DLEU7: variants seen among roughly 807,000 people sequenced by gnomAD.
The protein encoded by DLEU7 is leukemia-associated protein 7.
A neutral mutation model predicts 16.0 loss-of-function variants in DLEU7; 17 were observed. The observed-to-expected ratio is 1.06, with a 90% CI of 0.73 to 1.59. The LOEUF (loss-of-function observed/expected upper bound fraction) is 1.59, where lower values mean the gene tolerates loss of function less well. Ranked by LOEUF, DLEU7 falls within the 40% of genes most tolerant of loss-of-function variation. The pLI is 0.00. For missense variants in DLEU7, 308 were observed against 314.9 expected (o/e 0.98, Z 0.17); for synonymous variants, 113 against 139.8 (o/e 0.81, Z 1.35).
rs148310748 is a variant in DLEU7 at position 50,832,224 on chromosome 13, T to C, written c.460-8704A>G. Among the ~76,000 whole-genome samples the C allele has an allele frequency of 7.9e-3, 1,199 of 152,316 alleles. 13 individuals carry two copies. The highest frequency in any genetic ancestry group is 0.027 in the African/African-American group (1,139 of 41,560). ...TGGTTTGGTCTTGGGAGGGTATATG[T>C]GTCTAGGAATTTATCAATTTTCTTC... On this transcript the variant is annotated intron_variant, in intron 1 of 1. Coordinates refer to ENST00000504404, the MANE Select transcript of DLEU7 (RefSeq NM_001306135.2).
chr13:50,742,269 G>A (rs1225065789), intron 1 of DLEU7, among the ~76,000 whole-genome samples: 1 of 152,146 alleles, frequency 6.6e-6, no homozygotes, highest in African/African-American at 2.4e-5. Flanking sequence ...CAATAAAAGA[G>A]CAAAATTAAA....
chr13:50,837,369 C>T (rs1877505651), intron 1 of DLEU7, among the ~76,000 whole-genome samples: 1 of 152,154 alleles, frequency 6.6e-6, no homozygotes, highest in South Asian at 2.1e-4. Flanking sequence ...TGTTTTAGGC[C>T]TTTCCTGAAG....
At chr13:50,776,025 T>G (rs896732117) in intron 1 of DLEU7, among the ~76,000 whole-genome samples, 3 of 152,232 alleles carry the variant, frequency 2.0e-5, no homozygotes, top group African/African-American at 7.2e-5. Flanking sequence ...CAAATCAGCC[T>G]TTTATTCCCA....
At chr13:50,731,226 A>G (rs1294948218) in intron 1 of DLEU7, among the ~76,000 whole-genome samples, 1 of 152,174 alleles carries the variant, frequency 6.6e-6, no homozygotes, top group Non-Finnish European at 1.5e-5. Context: ...AGTGCTCTTG[A>G]GTGGAGTGTA....
At chr13:50,814,461 AAC>A (rs1188189347) in intron 1 of DLEU7, among the ~76,000 whole-genome samples, 2 of 152,016 alleles carry the variant, frequency 1.3e-5, no homozygotes, top group African/African-American at 4.8e-5. Context: ...ATGTTGTTTC[AAC>A]AACAAACTAA....
At chr13:50,730,240 CTT>C (rs1873880057) in intron 1 of DLEU7, among the ~76,000 whole-genome samples, 1 of 151,450 alleles carries the variant, frequency 6.6e-6, no homozygotes, top group Non-Finnish European at 1.5e-5. Flanking sequence ...CTCAGTGTAA[CTT>C]TTACTGAAAA....
chr13:50,823,617 T>C (rs1566264320), intron 1 of DLEU7, 97 bp from the exon 2 acceptor site: 1 of 1,391,476 alleles, frequency 7.2e-7, no homozygotes, highest in Non-Finnish European at 9.6e-7. Flanking sequence ...TCTCTTCTGG[T>C]GACAGCACTC....
At chr13:50,772,595 C>A (rs1875352755) in intron 1 of DLEU7, among the ~76,000 whole-genome samples, 1 of 152,176 alleles carries the variant, frequency 6.6e-6, no homozygotes, top group Non-Finnish European at 1.5e-5. Flanking sequence ...ATATTGGCCC[C>A]CACTCTCTTC....
chr13:50,820,933 T>C (rs1179499347), downstream of DLEU7, among the ~76,000 whole-genome samples: 1 of 152,118 alleles, frequency 6.6e-6, no homozygotes, highest in Non-Finnish European at 1.5e-5. Context: ...TTTTTAGTAA[T>C]AAGTTTTCAA....
intron 1 of DLEU7, among the ~76,000 whole-genome samples, chr13:50,832,163 C>T (rs566633790): frequency 1.3e-5 from 2 of 152,258 alleles, no homozygotes; most frequent in East Asian, 3.9e-4. Context: ...AATTTCAGAA[C>T]TTAATATTGA....
intron 1 of DLEU7, among the ~76,000 whole-genome samples, chr13:50,773,031 G>T (rs892565524): frequency 9.9e-5 from 15 of 152,040 alleles, no homozygotes; most frequent in African/African-American, 3.4e-4. Context: ...TACAGTCACT[G>T]ATACCCTTTC....
rs555826333 is a variant in DLEU7, at chr13:50,741,107, C to T, written c.460-27867G>A. 1.4e-4 allele frequency among the ~76,000 whole-genome samples: 21 copies of T among 152,296 alleles called. 1 individual carries two copies. Among genetic ancestry groups the T allele is most frequent in the South Asian group, 4.1e-4 (2 of 4,830 alleles). On this transcript the variant is annotated intron_variant, in intron 1 of 1. Coordinates refer to the DLEU7 transcript ENST00000400393. ...CATCTAAACAATCTTCTCTTCTCAA[C>T]GTATTTCTACTGTATTAGGAACAAT...
At chr13:50,839,869 AC>A (rs1297252643) in intron 1 of DLEU7, among the ~76,000 whole-genome samples, 3 of 152,314 alleles carry the variant, frequency 2.0e-5, no homozygotes, top group African/African-American at 7.2e-5. Context: ...TATCTCAGTA[AC>A]CCTTTAGGTT....
At chr13:50,772,538 T>A (rs1175712815) in intron 1 of DLEU7, among the ~76,000 whole-genome samples, 2 of 152,232 alleles carry the variant, frequency 1.3e-5, no homozygotes, top group Admixed American at 1.3e-4. Context: ...TTAGTTTGGC[T>A]GGATATGAAA....
At chr13:50,718,719 T>C (rs1873507590) in intron 1 of DLEU7, among the ~76,000 whole-genome samples, 1 of 152,242 alleles carries the variant, frequency 6.6e-6, no homozygotes, top group South Asian at 2.1e-4. Context: ...AAAGTCCTTT[T>C]GATCAGTGTC....
intron 1 of DLEU7, among the ~76,000 whole-genome samples, chr13:50,783,416 TAC>T (rs1404123921): frequency 2.0e-5 from 3 of 152,126 alleles, no homozygotes; most frequent in African/African-American, 7.2e-5. Flanking sequence ...CACATAATCT[TAC>T]ACAGAGTCCA....
intron 1 of DLEU7, among the ~76,000 whole-genome samples, chr13:50,756,356 T>C (rs931860784): frequency 3.2e-4 from 48 of 152,270 alleles, no homozygotes; most frequent in African/African-American, 1.1e-3. Context: ...ACTAGGCATG[T>C]CTGAGCTCAG....
At chr13:50,711,775 G>GGGGGGT, downstream of DLEU7, 1 of 93,662 alleles carries the variant, frequency 1.1e-5, no homozygotes, top group African/African-American at 4.0e-5. Flanking sequence ...CCAGTGGCGG[G>GGGGGGT]GGCGGGGGGC....
chr13:50,776,867 T>C (rs1417575383), intron 1 of DLEU7, among the ~76,000 whole-genome samples: 1 of 152,186 alleles, frequency 6.6e-6, no homozygotes, highest in Non-Finnish European at 1.5e-5. Flanking sequence ...AATCAAATAA[T>C]GGTTTTAAAC....
Sources: gnomAD v4.1 joint callset for allele counts (sites outside exome capture counted in the v4.1 genomes callset) on GRCh38, gnomAD v4.1.1 for gene constraint, MANE v1.5 for transcripts, NCBI Gene and HGNC (gene_info 2026-07-23, HGNC 2026-07-21) for gene names.